Variants in EBF4 observed in about 807,000 individuals in gnomAD.
The protein encoded by EBF4 is EBF transcription factor 4, also known as transcription factor COE4.
Under a neutral mutation model 67.1 loss-of-function variants are expected in EBF4, and 34 were observed. The observed-to-expected ratio is 0.51, with a 90% confidence interval of 0.39 to 0.67. The LOEUF is 0.67. Ranked by LOEUF, EBF4 falls within the 30% of genes least tolerant of loss-of-function variation. The pLI, the probability that EBF4 is intolerant of heterozygous loss-of-function variation, is 0.00. For missense variants in EBF4, 837 were observed against 873.3 expected, an observed-to-expected ratio of 0.96 and a Z score of 0.52; for synonymous variants, 387 against 377.7, an observed-to-expected ratio of 1.02 and a Z score of -0.29.
chr20:2,701,280 C>A (rs1394824370), intron 1 of EBF4, among the ~76,000 whole-genome samples: 1 of 152,180 alleles, frequency 6.6e-6, no homozygotes, highest in Non-Finnish European at 1.5e-5. Flanking sequence ...TGGGGCAGGG[C>A]ACAGGCATGC....
chr20:2,725,508 A>G (rs961880597), intron 6 of EBF4, among the ~76,000 whole-genome samples: 7 of 152,054 alleles, frequency 4.6e-5, no homozygotes, highest in African/African-American at 4.8e-5. Flanking sequence ...TACATTCTGT[A>G]TTTGGTAATT....
At chr20:2,737,296 G>T (rs1033910031) in intron 6 of EBF4, among the ~76,000 whole-genome samples, 1 of 151,814 alleles carries the variant, frequency 6.6e-6, no homozygotes, top group Non-Finnish European at 1.5e-5. Context: ...GGAAGAGGGG[G>T]ACCGCAGGCA....
In EBF4 at chr20:2,756,013, C is replaced by A. The variant is rs1600249390; in HGVS notation, c.1738+189C>A. Among the ~76,000 whole-genome samples, 2 of 152,358 alleles carry A rather than the reference C, an allele frequency of 1.3e-5. No individual in the cohort carries two copies. Among genetic ancestry groups the A allele is most frequent in the East Asian group, 3.9e-4 (2 of 5,190 alleles). ...TCCCTCTGGCCCCCTCTGCCCTGGC[C>A]TCCCAGCCTGGGATGGTCACCATTC... On this transcript the variant is annotated intron_variant, in intron 15 of 16. Coordinates refer to ENST00000609451, the Ensembl canonical transcript of EBF4. The surrounding 1 kb of genome is among the most constrained non-coding windows in gnomAD (Gnocchi z 4.5).
In EBF4 at chr20:2,745,845, C is replaced by T. The variant is rs1221590101; in HGVS notation, c.558-2704C>T. Among the ~76,000 whole-genome samples, 2 of 152,216 alleles carry T rather than the reference C, an allele frequency of 1.3e-5. No individual in the cohort carries two copies. The highest frequency in any genetic ancestry group is 4.8e-5 in the African/African-American group (2 of 41,452). On this transcript the variant is annotated intron_variant, in intron 6 of 16. Coordinates refer to ENST00000609451, the Ensembl canonical transcript of EBF4. The surrounding 1 kb of genome is among the most constrained non-coding windows in gnomAD (Gnocchi z 5.2). ...CTATCTTGGCCCCTTCCCAAGGACC[C>T]TTCCTCTTGATCCTGTAGGTTTGAG...
intron 6 of EBF4, among the ~76,000 whole-genome samples, chr20:2,742,120 G>A (rs1365200825): frequency 6.6e-6 from 1 of 152,216 alleles, no homozygotes; most frequent in African/African-American, 2.4e-5. Context: ...CGGACTCTGA[G>A]AGCCCCACTT....
rs1294858242 is a variant in EBF4 at position 2,758,606 on chromosome 20, C to T, written c.1739-303C>T. Among the ~76,000 whole-genome samples, 3 of 152,304 alleles carry T rather than the reference C, an allele frequency of 2.0e-5. No homozygotes were observed. In the East Asian group the frequency reaches 5.8e-4, roughly 29 times the overall value. On this transcript the variant is annotated intron_variant, in intron 15 of 16. Transcript: ENST00000609451. ...GCCTCTTTCCTTTTCTGCCCTGGTA[C>T]ATGGCCATGCGCTTGAGGAAGCAGA...
upstream of EBF4, chr20:2,692,886 G>C (rs1478591785): frequency 1.4e-5 from 2 of 144,932 alleles, no homozygotes; most frequent in African/African-American, 2.5e-5. The surrounding 1 kb of genome is among the most constrained non-coding windows in gnomAD (Gnocchi z 6.4). Flanking sequence ...CGGCGGCCGC[G>C]GCGGGGCGGC....
exon 8 of EBF4, chr20:2,749,514 C>T: frequency 1.3e-6 from 2 of 1,546,090 alleles, no homozygotes; most frequent in Non-Finnish European, 1.7e-6. Flanking sequence ...TGGACCCCTC[C>T]GAAGGTCAGG....
intron 6 of EBF4, among the ~76,000 whole-genome samples, chr20:2,731,171 A>G (rs1279171579): frequency 6.6e-6 from 1 of 152,216 alleles, no homozygotes; most frequent in African/African-American, 2.4e-5. Context: ...CGCTGGGATT[A>G]CAGGCATGAG....
exon 14 of EBF4, chr20:2,752,384 C>A (rs1057403868): frequency 8.0e-7 from 1 of 1,247,170 alleles, no homozygotes; most frequent in Non-Finnish European, 1.0e-6. Flanking sequence ...AGCAGCGCGT[C>A]CCCCCGCGGG....
At position 2,696,129 on chromosome 20, in the gene EBF4, C is replaced by T. The variant is rs1015395895; in HGVS notation, c.137+2347C>T. 2.0e-5 allele frequency among the ~76,000 whole-genome samples: 3 copies of T among 152,214 alleles called. No individual in the cohort carries two copies. The highest frequency in any genetic ancestry group is 2.0e-4 in the Admixed American group (3 of 15,284). ...ATCTTCCCTGCATTGGGGACCAAAG[C>T]AGTATTTCCAAAGTACTTTTTTAAG... On this transcript the variant is annotated intron_variant, in intron 1 of 16. Transcript: ENST00000609451. The surrounding 1 kb of genome is among the most constrained non-coding windows in gnomAD (Gnocchi z 4.7).
rs1176201490 is a variant in EBF4, at chr20:2,751,916, C to G, written c.1108-6C>G. The G allele has an allele frequency of 1.9e-6, 3 of 1,549,402 alleles. No homozygotes were observed. In the Admixed American group the frequency reaches 5.9e-5, roughly 30 times the overall value. Reference sequence around the variant, plus strand: ...TCCGTCCCGCTGTCTCTCCCCCTGTCCCCAGGAAGTGCTGCTGAAGCGGGC... The same window carrying G: ...TCCGTCCCGCTGTCTCTCCCCCTGTGCCCAGGAAGTGCTGCTGAAGCGGGC... On this transcript the variant is annotated splice_region_variant and splice_polypyrimidine_tract_variant and intron_variant, in intron 11 of 16. Transcript: ENST00000609451. This position sits in a 1 kb window ranked among gnomAD's most constrained non-coding sequence, Gnocchi z 5.2.
At position 2,755,712 on chromosome 20, in the gene EBF4, G is replaced by T; in HGVS notation, c.1626G>T (p.Ser542=). 2 of 1,549,654 alleles carry T rather than the reference G, an allele frequency of 1.3e-6. No individual in the cohort carries two copies. The highest frequency in any genetic ancestry group is 8.7e-7 in the Non-Finnish European group (1 of 1,146,800). The stretch of plus-strand genomic sequence containing the variant: ...CCACCACCAGCGTGTTCTCCTTCTC[G>T]CCTGTCAACATGATCTCCGCCGTCA... Residue 542 remains serine (S), a synonymous_variant, in exon 15 of 17, where the codon TCG becomes TCT. Coordinates refer to ENST00000609451, the Ensembl canonical transcript of EBF4. The surrounding 1 kb of genome is among the most constrained non-coding windows in gnomAD (Gnocchi z 4.7).
intron 6 of EBF4, among the ~76,000 whole-genome samples, chr20:2,718,752 A>G (rs1353058579): frequency 6.6e-6 from 1 of 151,918 alleles, no homozygotes; most frequent in African/African-American, 2.4e-5. Flanking sequence ...GATTTTCTCT[A>G]TCATTTTTCT....
In EBF4 at chr20:2,745,797, G is replaced by C. The variant is rs1025952140; in HGVS notation, c.558-2752G>C. Among the ~76,000 whole-genome samples, 5 of 152,200 alleles carry C rather than the reference G, an allele frequency of 3.3e-5. No homozygotes were observed. The highest frequency in any genetic ancestry group is 1.3e-4 in the Admixed American group (2 of 15,282). On this transcript the variant is annotated intron_variant, in intron 6 of 16. Coordinates refer to ENST00000609451, the Ensembl canonical transcript of EBF4. The surrounding 1 kb of genome is among the most constrained non-coding windows in gnomAD (Gnocchi z 5.2). ...ATTTACCTACCCCGGGTCATGCAGA[G>C]AGTCCAGGCCTGGCCAGAGCCCCTA...
intron 6 of EBF4, among the ~76,000 whole-genome samples, chr20:2,735,460 G>A (rs1489169443): frequency 2.0e-5 from 3 of 152,186 alleles, no homozygotes; most frequent in African/African-American, 4.8e-5. Flanking sequence ...TCCTTGAGTT[G>A]TTGCACACAT....
chr20:2,757,027 G>T (rs1185403073), intron 15 of EBF4, among the ~76,000 whole-genome samples: 1 of 152,192 alleles, frequency 6.6e-6, no homozygotes, highest in East Asian at 1.9e-4. Context: ...TGATGTAGGG[G>T]CTGATCAGGC....
rs1380118312 is a variant in EBF4 at position 2,747,316 on chromosome 20, A to C, written c.558-1233A>C. Among the ~76,000 whole-genome samples, 9 of 140,372 alleles carry C rather than the reference A, an allele frequency of 6.4e-5. No homozygotes were observed. The highest frequency in any genetic ancestry group is 2.6e-4 in the African/African-American group (9 of 34,796). 92.1% of individuals were successfully genotyped at this position (140,372 alleles called of 152,430 possible). A position where few individuals can be genotyped will look rare whatever the true frequency, so the allele number is the denominator to read the frequency against. ...TGTCTCAAAACAAAAAACAAAACAAACAAAAAAAAAAAAACAGGAAAAAAA... is the reference window on the plus strand; with the variant it reads ...TGTCTCAAAACAAAAAACAAAACAACCAAAAAAAAAAAAACAGGAAAAAAA... On this transcript the variant is annotated intron_variant, in intron 6 of 16. Coordinates refer to ENST00000609451, the Ensembl canonical transcript of EBF4. This position sits in a 1 kb window ranked among gnomAD's most constrained non-coding sequence, Gnocchi z 4.6.
intron 1 of EBF4, among the ~76,000 whole-genome samples, chr20:2,699,342 C>T (rs1332880391): frequency 6.6e-6 from 1 of 152,204 alleles, no homozygotes; most frequent in African/African-American, 2.4e-5. Flanking sequence ...CACCCATGCT[C>T]ACTACAAAGC....
Sources: allele counts gnomAD v4.1 joint callset (sites outside exome capture counted in the v4.1 genomes callset), GRCh38; gene constraint gnomAD v4.1.1; non-coding constraint Gnocchi (gnomAD v3.1); transcripts MANE v1.5; gene names NCBI Gene and HGNC (gene_info 2026-07-23, HGNC 2026-07-21).